DMXL1: variants seen among roughly 807,000 people sequenced by gnomAD.
The protein encoded by DMXL1 is dmX-like protein 1.
In DMXL1, 99 loss-of-function variants were observed where a neutral mutation model predicts 319.2. The ratio of observed to expected loss-of-function variants is 0.31; its 90% confidence interval spans 0.26 to 0.37. The LOEUF (loss-of-function observed/expected upper bound fraction) is 0.37. Ranked by LOEUF, DMXL1 falls within the 10% of genes least tolerant of loss-of-function variation. DMXL1 has a pLI of 1.00. For missense variants in DMXL1, 3,745 were observed against 3,595.6 expected, an observed-to-expected ratio of 1.04 and a Z score of -1.06; for synonymous variants, 1,385 against 1,235.2, an observed-to-expected ratio of 1.12 and a Z score of -2.54.
Position 119,220,587 on chromosome 5 carries a change from C to G in DMXL1, c.8129C>G (p.Thr2710Ser), listed in dbSNP as rs567410798. The G allele has an allele frequency of 6.2e-7, 1 of 1,612,386 alleles. No homozygotes were observed. The highest frequency in any genetic ancestry group is 1.7e-5 in the Admixed American group (1 of 59,644). The change falls in exon 36 of 44, where the codon ACC becomes AGC. Residue 2710 changes from threonine to serine, a missense_variant. Transcript: ENST00000539542. ...GTAGATGATGATATAGAAGTGGAAA[C>G]CAAAGGGTACCTTCATAGTTTGTTT... The part of the protein sequence containing the change: ...TWVDDDIEVE[T>S]KGSEDFLVIH...
At chr5:119,215,971 C>T (rs189583702) in intron 34 of DMXL1, among the ~76,000 whole-genome samples, 2 of 151,848 alleles carry the variant, frequency 1.3e-5, no homozygotes, top group East Asian at 3.9e-4. Context: ...TGGCAGGTGC[C>T]TGTAATCCCA....
rs1025337557 is a variant in DMXL1 at position 119,247,383 on chromosome 5, A to T, written c.*164A>T. 1 of 551,778 alleles carries T rather than the reference A, an allele frequency of 1.8e-6. No individual in the cohort carries two copies. Among genetic ancestry groups the T allele is most frequent in the African/African-American group, 1.9e-5 (1 of 53,098 alleles). 34.2% of individuals were successfully genotyped at this position (551,778 alleles called of 1,614,324 possible). A position where few individuals can be genotyped will look rare whatever the true frequency, so the allele number is the denominator to read the frequency against. On this transcript the variant is annotated 3_prime_UTR_variant, in exon 44 of 44. Coordinates refer to ENST00000539542, the MANE Select transcript of DMXL1 (RefSeq NM_001290321.3). ...ATGCACTGATGCCTTAAAAATTAAC[A>T]AGGTCATTCAGAAGTAGATTACATT...
Position 119,098,066 on chromosome 5 carries a change from C to G in DMXL1, c.175C>G (p.Gln59Glu). Residue 59 changes from glutamine to glutamate, a missense_variant, in exon 2 of 44, where the codon CAA becomes GAA. Transcript: ENST00000539542. ...IIPGAKHGNI[Q>E]VGCVDCSMQQ... ...CCCAGGAGCTAAACATGGAAATATTCAAGTGGGATGTGTAGACTGTTCAAT... is the reference window on the plus strand; with the variant it reads ...CCCAGGAGCTAAACATGGAAATATTGAAGTGGGATGTGTAGACTGTTCAAT... 1 of 1,607,896 alleles carries G rather than the reference C, an allele frequency of 6.2e-7. No homozygotes were observed. The highest frequency in any genetic ancestry group is 8.5e-7 in the Non-Finnish European group (1 of 1,178,408).
intron 28 of DMXL1, among the ~76,000 whole-genome samples, chr5:119,184,631 A>G (rs1265913598): frequency 6.6e-6 from 1 of 152,190 alleles, no homozygotes; most frequent in East Asian, 1.9e-4. Context: ...AACTATACCC[A>G]TTAAACAATT....
intron 21 of DMXL1, among the ~76,000 whole-genome samples, chr5:119,165,491 C>T (rs1773229866): frequency 6.6e-6 from 1 of 152,160 alleles, no homozygotes; most frequent in Non-Finnish European, 1.5e-5. Flanking sequence ...AATTTGTTTT[C>T]AGATTTATCA....
chr5:119,137,133 C>T (rs994165775), intron 13 of DMXL1, among the ~76,000 whole-genome samples: 1 of 152,230 alleles, frequency 6.6e-6, no homozygotes, highest in African/African-American at 2.4e-5. Flanking sequence ...GGAACCCACA[C>T]CTGTGTCAAT....
rs943946163 is a variant in DMXL1, at chr5:119,248,404, C to G, written c.*1185C>G. 1 of 152,084 alleles carries G rather than the reference C, an allele frequency of 6.6e-6. No homozygotes were observed. Among genetic ancestry groups the G allele is most frequent in the Non-Finnish European group, 1.5e-5 (1 of 67,828 alleles). 9.4% of individuals were successfully genotyped at this position (152,084 alleles called of 1,614,324 possible). On this transcript the variant is annotated 3_prime_UTR_variant, in exon 44 of 44. Transcript: ENST00000539542. The stretch of plus-strand genomic sequence containing the variant: ...ATGCTTTTAACTTAAATGTGCTAAC[C>G]CTGTTTCTGTCTGTTTTGTGCTGTA...
intron 7 of DMXL1, among the ~76,000 whole-genome samples, chr5:119,117,036 T>C (rs990211420): frequency 2.6e-5 from 4 of 152,158 alleles, no homozygotes; most frequent in South Asian, 4.1e-4. Context: ...GTTTTTGTTT[T>C]GTTTAGTTTT....
intron 8 of DMXL1, 87 bp from the exon 9 acceptor site, chr5:119,120,884 T>A: frequency 9.4e-7 from 1 of 1,066,544 alleles, no homozygotes; most frequent in Non-Finnish European, 1.3e-6. Context: ...TGAGCTAGGA[T>A]ATATGTAACT....
chr5:119,151,830 T>C lies in DMXL1; in HGVS notation c.4595-99T>C, dbSNP rs909008868. Reference sequence around the variant, plus strand: ...AGAAAATATTTTACACTGATAACTTTTTTCTTGGTCAGGTTAAGAATGTTA... The same window carrying C: ...AGAAAATATTTTACACTGATAACTTCTTTCTTGGTCAGGTTAAGAATGTTA... On this transcript the variant is annotated intron_variant, in intron 18 of 43. Coordinates refer to ENST00000539542, the MANE Select transcript of DMXL1 (RefSeq NM_001290321.3). 8.1e-6 allele frequency: 5 copies of C among 614,340 alleles called. No individual in the cohort carries two copies. In the East Asian group the frequency reaches 1.1e-4, roughly 14 times the overall value. 38.1% of individuals were successfully genotyped at this position (614,340 alleles called of 1,614,324 possible). A position where few individuals can be genotyped will look rare whatever the true frequency, so the allele number is the denominator to read the frequency against.
chr5:119,247,138 A>G lies in DMXL1; in HGVS notation c.9066A>G (p.Gly3022=). ...ACATTTTCTCCTGTGGAGCTGATGG[A>G]ACAATGAAAATGAGAATACTGCCAG... is the stretch of plus-strand genomic sequence containing the variant. ...ANHIFSCGAD[G]TMKMRILPDQ... The change falls in exon 44 of 44, where the codon GGA becomes GGG. Residue 3022 remains glycine, a synonymous_variant. Transcript: ENST00000539542. 6.2e-7 allele frequency: 1 copy of G among 1,614,156 alleles called. No homozygotes were observed.
At chr5:119,197,682 T>A (rs1466170918) in intron 31 of DMXL1, 73 bp from the exon 32 acceptor site, 2 of 1,369,968 alleles carry the variant, frequency 1.5e-6, no homozygotes, top group Non-Finnish European at 2.1e-6. Flanking sequence ...CCCTCTCTCA[T>A]TTCAGTCTTT....
intron 34 of DMXL1, among the ~76,000 whole-genome samples, chr5:119,210,756 CGTTTTTT>C (rs1459125572): frequency 1.5e-5 from 1 of 65,968 alleles, no homozygotes; most frequent in African/African-American, 5.0e-5. Flanking sequence ...TTTTTTCTTT[CGTTTTTT>C]TTTTTTTTTT....
chr5:119,196,190 T>G (rs1001810519), intron 30 of DMXL1, among the ~76,000 whole-genome samples, 181 bp from the exon 31 acceptor site: 3 of 152,228 alleles, frequency 2.0e-5, no homozygotes, highest in Non-Finnish European at 4.4e-5. Context: ...TGGTTATTTC[T>G]ACACTTCTGC....
At chr5:119,194,223 C>G (rs923847369) in intron 30 of DMXL1, among the ~76,000 whole-genome samples, 4 of 151,930 alleles carry the variant, frequency 2.6e-5, no homozygotes, top group African/African-American at 9.7e-5. Context: ...TATCACATAC[C>G]TTTGGTTGTC....
chr5:119,204,228 C>G (rs927019359), intron 33 of DMXL1, among the ~76,000 whole-genome samples: 1 of 152,156 alleles, frequency 6.6e-6, no homozygotes, highest in Non-Finnish European at 1.5e-5. Flanking sequence ...ACCTCTGCCT[C>G]CCAGGCTCAA....
intron 1 of DMXL1, among the ~76,000 whole-genome samples, chr5:119,082,008 T>C (rs1171728964): frequency 2.9e-5 from 2 of 68,642 alleles, no homozygotes; most frequent in African/African-American, 8.9e-5. Flanking sequence ...TATATATATA[T>C]ATATATATAT....
chr5:119,201,034 C>T lies in DMXL1; in HGVS notation c.7746-2285C>T, dbSNP rs536399504. Among the ~76,000 whole-genome samples, 20 of 152,296 alleles carry T rather than the reference C, an allele frequency of 1.3e-4. No homozygotes were observed. The South Asian group carries it at 2.3e-3, about 17-fold the overall frequency. ...ACAAACAGGCATAGTTTTACTTCCT[C>T]TCTTCCTATGTGGATGCCTTTTATT... On this transcript the variant is annotated intron_variant, in intron 32 of 43. Coordinates refer to ENST00000539542, the MANE Select transcript of DMXL1 (RefSeq NM_001290321.3).
In DMXL1 at chr5:119,180,813, T is replaced by C. The variant is rs1445557392; in HGVS notation, c.7135+2569T>C. Among the ~76,000 whole-genome samples, 21 of 152,304 alleles carry C rather than the reference T, an allele frequency of 1.4e-4. No individual in the cohort carries two copies. In the East Asian group the frequency reaches 2.5e-3, roughly 18 times the overall value. On this transcript the variant is annotated intron_variant, in intron 28 of 43. Coordinates refer to ENST00000539542, the MANE Select transcript of DMXL1 (RefSeq NM_001290321.3). ...TTGAGTTTAATTTTAAATTAAAAAT[T>C]GGCAAATTAATTTTGACCATATTTT...
Sources: gnomAD v4.1 joint callset for allele counts (sites outside exome capture counted in the v4.1 genomes callset) on GRCh38, gnomAD v4.1.1 for gene constraint, MANE v1.5 for transcripts, NCBI Gene and HGNC (gene_info 2026-07-23, HGNC 2026-07-21) for gene names.